Variants in ACAN observed in about 807,000 individuals in gnomAD.
ACAN encodes aggrecan.
A neutral mutation model predicts 169.1 loss-of-function variants in ACAN; 47 were observed. The ratio of observed to expected loss-of-function variants is 0.28; its 90% CI spans 0.22 to 0.35. The LOEUF is 0.35. Ranked by LOEUF, ACAN falls within the 10% of genes least tolerant of loss-of-function variation. The pLI is 1.00. For missense variants in ACAN, 2,716 were observed against 2,759.9 expected (o/e 0.98, Z 0.36); for synonymous variants, 1,115 against 1,112.2 (o/e 1.00, Z -0.05).
In ACAN at chr15:88,849,365, G is replaced by C; in HGVS notation, c.1733-73G>C. 1 of 1,416,340 alleles carries C rather than the reference G, an allele frequency of 7.1e-7. No individual in the cohort carries two copies. The highest frequency in any genetic ancestry group is 9.4e-7 in the Non-Finnish European group (1 of 1,066,804). 87.7% of individuals were successfully genotyped at this position (1,416,340 alleles called of 1,614,324 possible). On this transcript the variant is annotated intron_variant, in intron 9 of 18. Transcript: ENST00000560601. The surrounding 1 kb of genome is among the most constrained non-coding windows in gnomAD (Gnocchi z 5.1). ...TGGTGAGGAGGGTTAGAGGAACTCT[G>C]TCCTGGGTGGGCAGGGATGGACCTG...
In ACAN at chr15:88,855,345, A is replaced by C. The variant is rs371065054; in HGVS notation, c.2760A>C (p.Ser920=). Residue 920 remains serine (S), a synonymous_variant, in exon 12 of 19, where the codon TCA becomes TCC. Coordinates refer to ENST00000560601, the MANE Select transcript of ACAN (RefSeq NM_001369268.1). ...SGLPVESGLP[S]GDEERIEWPS... ...TGCCTGTGGAAAGTGGACTACCCTC[A>C]GGGGATGAAGAGAGAATTGAGTGGC... The C allele has an allele frequency of 6.2e-7, 1 of 1,612,690 alleles. No homozygotes were observed.
At position 88,871,146 on chromosome 15, in the gene ACAN, G is replaced by A. The variant is rs892114312; in HGVS notation, c.7061-236G>A. On this transcript the variant is annotated intron_variant, in intron 14 of 18. Coordinates refer to ENST00000560601, the MANE Select transcript of ACAN (RefSeq NM_001369268.1). The surrounding 1 kb of genome is among the most constrained non-coding windows in gnomAD (Gnocchi z 7.8). ...TTGGGAGAGGGTGAGGGGGGAGGGC[G>A]TGGCATCAGGGAAGGAAAGGGCCCC... 5.3e-5 allele frequency among the ~76,000 whole-genome samples: 8 copies of A among 152,142 alleles called. No individual in the cohort carries two copies. The highest frequency in any genetic ancestry group is 1.4e-4 in the African/African-American group (6 of 41,428).
rs1896571262 is a variant in ACAN at position 88,838,769 on chromosome 15, T to C, written c.177T>C (p.Pro59=). 1.9e-6 allele frequency: 3 copies of C among 1,613,776 alleles called. No homozygotes were observed. Among genetic ancestry groups the C allele is most frequent in the Admixed American group, 1.7e-5 (1 of 59,992 alleles). ...GCTATTTCATCGACCCCATGCACCC[T>C]GTGACCACCGCCCCTTCTACCGCCC... The part of the protein sequence containing the change: ...IPCYFIDPMH[P]VTTAPSTAPL... The change falls in exon 3 of 19, where the codon CCT becomes CCC. Residue 59 remains proline (P), a synonymous_variant. Coordinates refer to ENST00000560601, the MANE Select transcript of ACAN (RefSeq NM_001369268.1). This position sits in a 1 kb window ranked among gnomAD's most constrained non-coding sequence, Gnocchi z 5.1.
At chr15:88,844,581 CA>C (rs1896749779) in intron 6 of ACAN, among the ~76,000 whole-genome samples, 1 of 152,072 alleles carries the variant, frequency 6.6e-6, no homozygotes, top group African/African-American at 2.4e-5. Context: ...CCATGTTGAC[CA>C]GGCTGGTCTT....
At position 88,858,891 on chromosome 15, in the gene ACAN, G is replaced by C. The variant is rs62023520; in HGVS notation, c.6306G>C (p.Glu2102Asp). The C allele has an allele frequency of 1.2e-6, 2 of 1,609,534 alleles. No individual in the cohort carries two copies. Among genetic ancestry groups the C allele is most frequent in the East Asian group, 4.5e-5 (2 of 44,818 alleles). The change falls in exon 12 of 19, where the codon GAG (glutamate) becomes GAC (aspartate). Residue 2102 changes from glutamate (E) to aspartate (D), a missense_variant. Around this residue, in one of 3 missense-constraint regions of ACAN, gnomAD observed 1,389 missense variants for 1,363.7 expected, o/e 1.02. Transcript: ENST00000560601. The surrounding 1 kb of genome is among the most constrained non-coding windows in gnomAD (Gnocchi z 4.0). Reference protein sequence around the residue: ...EVSSVPESSSETSAYPEAGFG... With the variant: ...EVSSVPESSSDTSAYPEAGFG... ...CATCAGTCCCAGAATCTAGCAGTGAGACGTCCGCCTATCCTGAAGCTGGGT... is the reference window on the plus strand; with the variant it reads ...CATCAGTCCCAGAATCTAGCAGTGACACGTCCGCCTATCCTGAAGCTGGGT...
In ACAN at chr15:88,825,478, G is replaced by C. The variant is rs137895917; in HGVS notation, c.-7-10722G>C. Reference sequence around the variant, plus strand: ...CAGATTCACCTAGATAGTACATTATGAGTCAAAGGTATGAATTCAGGTTGT... The same window carrying C: ...CAGATTCACCTAGATAGTACATTATCAGTCAAAGGTATGAATTCAGGTTGT... On this transcript the variant is annotated intron_variant, in intron 1 of 18. Transcript: ENST00000560601. Among the ~76,000 whole-genome samples the C allele has an allele frequency of 7.4e-3, 1,130 of 152,306 alleles. 9 individuals carry two copies. Among genetic ancestry groups the C allele is most frequent in the South Asian group, 0.03 (143 of 4,820 alleles).
At position 88,839,499 on chromosome 15, in the gene ACAN, A is replaced by G. The variant is rs1896594251; in HGVS notation, c.454+453A>G. 1.3e-5 allele frequency among the ~76,000 whole-genome samples: 2 copies of G among 152,140 alleles called. No homozygotes were observed. Among genetic ancestry groups the G allele is most frequent in the East Asian group, 1.9e-4 (1 of 5,186 alleles). On this transcript the variant is annotated intron_variant, in intron 3 of 18. Coordinates refer to ENST00000560601, the MANE Select transcript of ACAN (RefSeq NM_001369268.1). This position sits in a 1 kb window ranked among gnomAD's most constrained non-coding sequence, Gnocchi z 4.5. ...AAGACTCCCTGGTCTCTTTCTCTCC[A>G]TGGCCCAAGGAGAACAGTCAGGTCT...
At chr15:88,863,707 T>C (rs572967042) in intron 13 of ACAN, among the ~76,000 whole-genome samples, 1 of 152,320 alleles carries the variant, frequency 6.6e-6, no homozygotes, top group African/African-American at 2.4e-5. Flanking sequence ...CTTTCCACTC[T>C]CTCTTCCTCT....
chr15:88,828,942 C>G (rs922474119), intron 1 of ACAN, among the ~76,000 whole-genome samples: 3 of 152,198 alleles, frequency 2.0e-5, no homozygotes, highest in African/African-American at 7.2e-5. Context: ...CAAGGAAAAA[C>G]CTTTCTTTCC....
rs1331093833 is a variant in ACAN, at chr15:88,871,090, C to T, written c.7061-292C>T. 6.6e-6 allele frequency among the ~76,000 whole-genome samples: 1 copy of T among 152,160 alleles called. No individual in the cohort carries two copies. Among genetic ancestry groups the T allele is most frequent in the African/African-American group, 2.4e-5 (1 of 41,432 alleles). On this transcript the variant is annotated intron_variant, in intron 14 of 18. Coordinates refer to ENST00000560601, the MANE Select transcript of ACAN (RefSeq NM_001369268.1). The surrounding 1 kb of genome is among the most constrained non-coding windows in gnomAD (Gnocchi z 7.8). ...AACTGGACTGCTGACCTCTGCCGGC[C>T]CAGCAGAGCAGGCATCAAGAGGAGG...
At chr15:88,865,433 T>C (rs1897264078) in intron 13 of ACAN, among the ~76,000 whole-genome samples, 1 of 152,234 alleles carries the variant, frequency 6.6e-6, no homozygotes, top group Non-Finnish European at 1.5e-5. Flanking sequence ...GTTCTTTCTT[T>C]CTTTCTTTTC....
chr15:88,853,251 C>T (rs1187610533), intron 11 of ACAN, among the ~76,000 whole-genome samples: 1 of 152,186 alleles, frequency 6.6e-6, no homozygotes, highest in East Asian at 1.9e-4. Flanking sequence ...GACTTCAGTT[C>T]CTGACCACCT....
intron 1 of ACAN, among the ~76,000 whole-genome samples, chr15:88,818,004 T>A (rs1206308188): frequency 6.6e-6 from 1 of 152,232 alleles, no homozygotes; most frequent in Non-Finnish European, 1.5e-5. Context: ...AAAAATAGAA[T>A]GGAATTGTAT....
chr15:88,860,267 G>T, intron 12 of ACAN, 59 bp from the exon 13 acceptor site: 1 of 1,296,516 alleles, frequency 7.7e-7, no homozygotes. Flanking sequence ...AGGTCTTGGA[G>T]GCCATGGTAG....
At position 88,871,635 on chromosome 15, in the gene ACAN, G is replaced by A; in HGVS notation, c.7219+95G>A. ...AAGGCAGCAGATTTGGGCCTCGTGA[G>A]ACTGCAGGACAGGGACCTGGGGGAG... On this transcript the variant is annotated intron_variant, in intron 15 of 18. Coordinates refer to ENST00000560601, the MANE Select transcript of ACAN (RefSeq NM_001369268.1). The surrounding 1 kb of genome is among the most constrained non-coding windows in gnomAD (Gnocchi z 7.8). 4 of 1,447,400 alleles carry A rather than the reference G, an allele frequency of 2.8e-6. No individual in the cohort carries two copies. In the South Asian group the frequency reaches 5.4e-5, roughly 20 times the overall value. 89.7% of individuals were successfully genotyped at this position (1,447,400 alleles called of 1,614,324 possible).
At chr15:88,830,496 C>A (rs1323070454) in intron 1 of ACAN, among the ~76,000 whole-genome samples, 1 of 152,122 alleles carries the variant, frequency 6.6e-6, no homozygotes, top group African/African-American at 2.4e-5. Context: ...AGGTGACACA[C>A]CCATACAGCA....
chr15:88,847,081 A>G (rs1418784024), intron 7 of ACAN, among the ~76,000 whole-genome samples, 162 bp from the exon 8 acceptor site: 4 of 152,194 alleles, frequency 2.6e-5, no homozygotes, highest in Admixed American at 1.3e-4. Context: ...GCTGCCATCC[A>G]CCATCACACC....
rs1164744935 is a variant in ACAN at position 88,873,032 on chromosome 15, T to C, written c.7447+7T>C. The C allele has an allele frequency of 8.7e-6, 14 of 1,611,608 alleles. No homozygotes were observed. Among genetic ancestry groups the C allele is most frequent in the Non-Finnish European group, 1.2e-5 (14 of 1,178,960 alleles). The stretch of plus-strand genomic sequence containing the variant: ...ACGTGTAAAAAGGGCACAGGTAAGC[T>C]GGCGCCTGGGAGGGGTCAGGGGAGG... On this transcript the variant is annotated splice_region_variant and intron_variant, in intron 17 of 18. Coordinates refer to ENST00000560601, the MANE Select transcript of ACAN (RefSeq NM_001369268.1). This position sits in a 1 kb window ranked among gnomAD's most constrained non-coding sequence, Gnocchi z 7.5.
At chr15:88,852,242 A>G (rs1896949272) in intron 11 of ACAN, among the ~76,000 whole-genome samples, 1 of 152,196 alleles carries the variant, frequency 6.6e-6, no homozygotes, top group South Asian at 2.1e-4. Flanking sequence ...AGCCTTGTCC[A>G]TAAAATTTTT....
Sources: allele counts gnomAD v4.1 joint callset (sites outside exome capture counted in the v4.1 genomes callset), GRCh38; gene constraint gnomAD v4.1.1; regional missense constraint gnomAD v4.1.1; non-coding constraint Gnocchi (gnomAD v3.1); transcripts MANE v1.5; gene names NCBI Gene and HGNC (gene_info 2026-07-23, HGNC 2026-07-21).